HSD11B1L: variants seen among roughly 807,000 people sequenced by gnomAD.
HSD11B1L encodes hydroxysteroid 11-beta dehydrogenase 1 like.
Under a neutral mutation model 27.0 loss-of-function variants are expected in HSD11B1L, and 22 were observed. That is an observed-to-expected ratio of 0.81 (90% CI 0.58 to 1.16). The LOEUF (loss-of-function observed/expected upper bound fraction) is 1.16. Ranked by LOEUF, HSD11B1L falls within the 50% of genes most tolerant of loss-of-function variation. The probability of loss-of-function intolerance (pLI) is 0.00; values close to 1 mark genes in which losing one functional copy is unlikely to be tolerated. For missense variants in HSD11B1L, 372 were observed against 401.8 expected, an observed-to-expected ratio of 0.93 and a Z score of 0.63; for synonymous variants, 187 against 189.2, an observed-to-expected ratio of 0.99 and a Z score of 0.09.
intron 1 of HSD11B1L, chr19:5,683,924 A>T (rs893499842): frequency 1.5e-5 from 5 of 338,630 alleles, no homozygotes; most frequent in African/African-American, 2.1e-5. Flanking sequence ...ATAAAAAAAT[A>T]AATAATAAAA....
Position 5,685,207 on chromosome 19 carries a change from C to T in HSD11B1L, c.204+88C>T. On this transcript the variant is annotated intron_variant, in intron 3 of 7. Coordinates refer to ENST00000339423, the MANE Select transcript of HSD11B1L (RefSeq NM_198706.3). This position sits in a 1 kb window ranked among gnomAD's most constrained non-coding sequence, Gnocchi z 4.3. ...GGTTTAATCCCTGCAATGATCCAGG[C>T]TTCCCGTGTGACCTTGGGCAAGTCG... 1 of 1,488,996 alleles carries T rather than the reference C, an allele frequency of 6.7e-7. No homozygotes were observed. Among genetic ancestry groups the T allele is most frequent in the Non-Finnish European group, 9.1e-7 (1 of 1,104,126 alleles). The allele number at this position is 1,488,996 out of a possible 1,614,324, so 92.2% of individuals were successfully genotyped here. A position where few individuals can be genotyped will look rare whatever the true frequency, so the allele number is the denominator to read the frequency against.
In HSD11B1L at chr19:5,683,425, G is replaced by A. The variant is rs144587486; in HGVS notation, c.-14-1394G>A. Among the ~76,000 whole-genome samples, 97 of 152,096 alleles carry A rather than the reference G, an allele frequency of 6.4e-4. 1 individual carries two copies. The highest frequency in any genetic ancestry group is 1.7e-3 in the African/African-American group (72 of 41,470). On this transcript the variant is annotated intron_variant, in intron 1 of 7. Transcript: ENST00000339423. Reference sequence around the variant, plus strand: ...GGCTTCCTCACCTCTCGCCTCCCACGTGCCTCATATCACTCCATGATCAAT... The same window carrying A: ...GGCTTCCTCACCTCTCGCCTCCCACATGCCTCATATCACTCCATGATCAAT...
rs1043172981 is a variant in HSD11B1L at position 5,686,925 on chromosome 19, C to T, written c.342C>T (p.Asn114=). 1 of 1,553,518 alleles carries T rather than the reference C, an allele frequency of 6.4e-7. No homozygotes were observed. Among genetic ancestry groups the T allele is most frequent in the African/African-American group, 1.4e-5 (1 of 73,266 alleles). Reference sequence around the variant, plus strand: ...GCGGGCTGGACTACCTCGTGCTGAACCACATCGGCGGCGCCCCGGCCGGCA... The same window carrying T: ...GCGGGCTGGACTACCTCGTGCTGAATCACATCGGCGGCGCCCCGGCCGGCA... ...KLGGLDYLVL[N]HIGGAPAGTR... Residue 114 remains asparagine (N), a synonymous_variant, in exon 5 of 8, where the codon AAC becomes AAT. Coordinates refer to ENST00000339423, the MANE Select transcript of HSD11B1L (RefSeq NM_198706.3).
rs557722808 is a variant in HSD11B1L, at chr19:5,683,387, C to T, written c.-14-1432C>T. ...ATGCCTTCTGGGTGTCTCCAGAGAG[C>T]GAGCTGTCTCTTGGCTTCCTCACCT... On this transcript the variant is annotated intron_variant, in intron 1 of 7. Coordinates refer to ENST00000339423, the MANE Select transcript of HSD11B1L (RefSeq NM_198706.3). 1.1e-4 allele frequency among the ~76,000 whole-genome samples: 16 copies of T among 152,226 alleles called. No homozygotes were observed. In the South Asian group the frequency reaches 2.3e-3, roughly 22 times the overall value.
rs1306712897 is a variant in HSD11B1L at position 5,687,445 on chromosome 19, C to A, written c.503-58C>A. ...CTCGATGCGGGTGAGCCTGGAGGGT[C>A]TGGGCAGGCTTCCCGGACGAGGGGG... On this transcript the variant is annotated intron_variant, in intron 6 of 7. Coordinates refer to ENST00000339423, the MANE Select transcript of HSD11B1L (RefSeq NM_198706.3). The surrounding 1 kb of genome is among the most constrained non-coding windows in gnomAD (Gnocchi z 6.6). 2.5e-6 allele frequency: 4 copies of A among 1,592,862 alleles called. No homozygotes were observed.
rs2054720399 is a variant in HSD11B1L at position 5,687,190 on chromosome 19, C to G, written c.409-92C>G. Reference sequence around the variant, plus strand: ...GCCTTCCGGGTTTCTGGCCCCGTCTCTGACCCGGCCCTGGCCCCGCCCTCT... The same window carrying G: ...GCCTTCCGGGTTTCTGGCCCCGTCTGTGACCCGGCCCTGGCCCCGCCCTCT... On this transcript the variant is annotated intron_variant, in intron 5 of 7. Coordinates refer to ENST00000339423, the MANE Select transcript of HSD11B1L (RefSeq NM_198706.3). The surrounding 1 kb of genome is among the most constrained non-coding windows in gnomAD (Gnocchi z 6.6). 30 of 1,415,024 alleles carry G rather than the reference C, an allele frequency of 2.1e-5. No individual in the cohort carries two copies. The South Asian group carries it at 3.2e-4, about 15-fold the overall frequency. The allele number at this position is 1,415,024 out of a possible 1,614,324, so 87.7% of individuals were successfully genotyped here.
Position 5,687,341 on chromosome 19 carries a change from C to G in HSD11B1L, c.468C>G (p.Ser156Arg), listed in dbSNP as rs2054725940. The G allele has an allele frequency of 2.5e-6, 4 of 1,612,734 alleles. No individual in the cohort carries two copies. Among genetic ancestry groups the G allele is most frequent in the South Asian group, 1.1e-5 (1 of 91,072 alleles). The part of the protein sequence containing the change: ...TSRALPSLTD[S>R]KGSLVVVSSL... Reference sequence around the variant, plus strand: ...GGGCGCTGCCCAGCCTGACGGACAGCAAGGGCTCCCTGGTGGTGGTGTCCT... The same window carrying G: ...GGGCGCTGCCCAGCCTGACGGACAGGAAGGGCTCCCTGGTGGTGGTGTCCT... Residue 156 changes from serine to arginine, a missense_variant, in exon 6 of 8, where the codon AGC (serine) becomes AGG (arginine). Coordinates refer to ENST00000339423, the MANE Select transcript of HSD11B1L (RefSeq NM_198706.3). The surrounding 1 kb of genome is among the most constrained non-coding windows in gnomAD (Gnocchi z 6.6).
In HSD11B1L at chr19:5,685,097, A is replaced by T; in HGVS notation, c.182A>T (p.His61Leu). Residue 61 changes from histidine to leucine, a missense_variant, in exon 3 of 8, where the codon CAC becomes CTC. Transcript: ENST00000339423. The surrounding 1 kb of genome is among the most constrained non-coding windows in gnomAD (Gnocchi z 4.3). ...GGCTCCCACCTGGTGCTCACTGCCC[A>T]CACTGAGGCTCTCCTGCAGAAGGTG... is the stretch of plus-strand genomic sequence containing the variant. ...RLGSHLVLTAHTEALLQKVVG... is the reference protein window; with the variant it reads ...RLGSHLVLTALTEALLQKVVG... 1.9e-6 allele frequency: 3 copies of T among 1,549,748 alleles called. No individual in the cohort carries two copies. The highest frequency in any genetic ancestry group is 2.6e-6 in the Non-Finnish European group (3 of 1,147,252).
chr19:5,684,493 AAGG>A (rs1259221054), intron 1 of HSD11B1L: 18 of 492,156 alleles, frequency 3.7e-5, no homozygotes, highest in East Asian at 6.7e-5. Flanking sequence ...CGGAGTGAGC[AAGG>A]AGGACAGGTC....
intron 1 of HSD11B1L, chr19:5,683,996 T>TA (rs765240096): frequency 2.9e-4 from 131 of 446,884 alleles, no homozygotes; most frequent in Non-Finnish European, 5.6e-5. Context: ...TTGTTTTTGA[T>TA]ACGGAGTTTC....
intron 1 of HSD11B1L, 123 bp from the exon 2 acceptor site, chr19:5,684,696 G>A (rs1404967843): frequency 6.7e-7 from 1 of 1,502,588 alleles, no homozygotes; most frequent in African/African-American, 1.4e-5. Flanking sequence ...TGGACAGGTG[G>A]TGGCTGTGGA....
intron 1 of HSD11B1L, chr19:5,684,398 A>C (rs1239411321): frequency 5.7e-6 from 2 of 348,490 alleles, no homozygotes; most frequent in Non-Finnish European, 5.2e-6. Flanking sequence ...CATTCTAGGC[A>C]GTAGGAACAG....
At position 5,687,123 on chromosome 19, in the gene HSD11B1L, A is replaced by G; in HGVS notation, c.408+132A>G. On this transcript the variant is annotated intron_variant, in intron 5 of 7. Coordinates refer to ENST00000339423, the MANE Select transcript of HSD11B1L (RefSeq NM_198706.3). The surrounding 1 kb of genome is among the most constrained non-coding windows in gnomAD (Gnocchi z 6.6). Reference sequence around the variant, plus strand: ...GTCCCGCCCCAGCCACGCCCCTCCTAGCCCAAGCCCCTGCTCCGGCCTTGA... The same window carrying G: ...GTCCCGCCCCAGCCACGCCCCTCCTGGCCCAAGCCCCTGCTCCGGCCTTGA... The G allele has an allele frequency of 1.8e-6, 2 of 1,119,966 alleles. No individual in the cohort carries two copies. Among genetic ancestry groups the G allele is most frequent in the Non-Finnish European group, 2.5e-6 (2 of 786,466 alleles). The allele number at this position is 1,119,966 out of a possible 1,614,324, so 69.4% of individuals were successfully genotyped here.
In HSD11B1L at chr19:5,688,406, G is replaced by GCAGA; in HGVS notation, c.*462_*463insAGAC. The GCAGA allele has an allele frequency of 1.7e-6, 1 of 586,418 alleles. No homozygotes were observed. Among genetic ancestry groups the GCAGA allele is most frequent in the East Asian group, 2.8e-5 (1 of 35,240 alleles). The allele number at this position is 586,418 out of a possible 1,614,324, so 36.3% of individuals were successfully genotyped here. On this transcript the variant is annotated 3_prime_UTR_variant, in exon 8 of 8. Transcript: ENST00000339423. ...TCTGGTACTCTTCACACCTGCAGGG[G>GCAGA]CGTCTACACTGTTCGTCTACCTGGT...
In HSD11B1L at chr19:5,688,262, C is replaced by G. The variant is rs2145564509; in HGVS notation, c.*317C>G. The G allele has an allele frequency of 7.5e-7, 1 of 1,328,172 alleles. No homozygotes were observed. The highest frequency in any genetic ancestry group is 2.5e-5 in the East Asian group (1 of 39,884). 82.3% of individuals were successfully genotyped at this position (1,328,172 alleles called of 1,614,324 possible). On this transcript the variant is annotated 3_prime_UTR_variant, in exon 8 of 8. Coordinates refer to ENST00000339423, the MANE Select transcript of HSD11B1L (RefSeq NM_198706.3). The stretch of plus-strand genomic sequence containing the variant: ...TCAGAGAGGCCACGCCACCCTTGAG[C>G]CACCCATGGACCCCTCTCCATCTCC...
chr19:5,686,305 C>G (rs1006462695), intron 3 of HSD11B1L, 111 bp from the exon 4 acceptor site: 2 of 727,084 alleles, frequency 2.8e-6, no homozygotes, highest in Non-Finnish European at 2.2e-6. Context: ...TCCCGAGGCT[C>G]AGAGTAGGGG....
intron 1 of HSD11B1L, among the ~76,000 whole-genome samples, chr19:5,683,701 G>C (rs1032436688): frequency 6.6e-6 from 1 of 152,026 alleles, no homozygotes; most frequent in Admixed American, 6.6e-5. Flanking sequence ...AAATCAGCCT[G>C]GGCAGCATAG....
In HSD11B1L at chr19:5,683,208, C is replaced by CAAAA. The variant is rs1168433209; in HGVS notation, c.-14-1593_-14-1590dup. Among the ~76,000 whole-genome samples the CAAAA allele has an allele frequency of 7.4e-4, 38 of 51,058 alleles. No homozygotes were observed. The East Asian group carries it at 0.013, about 17-fold the overall frequency. 33.5% of individuals were successfully genotyped at this position (51,058 alleles called of 152,430 possible). A position where few individuals can be genotyped will look rare whatever the true frequency, so the allele number is the denominator to read the frequency against. ...GTGCAACAAGAGTGAAACTCAGTCTCAAAAAAAAAAAAAAAAAAAAAGAAC... is the reference window on the plus strand; with the variant it reads ...GTGCAACAAGAGTGAAACTCAGTCTCAAAAAAAAAAAAAAAAAAAAAAAAAGAAC... On this transcript the variant is annotated intron_variant, in intron 1 of 7. Coordinates refer to ENST00000339423, the MANE Select transcript of HSD11B1L (RefSeq NM_198706.3).
At chr19:5,684,262 C>T (rs759229572) in intron 1 of HSD11B1L, 11 of 333,722 alleles carry the variant, frequency 3.3e-5, no homozygotes, top group Middle Eastern at 7.0e-4. Context: ...GTGATTTGCC[C>T]GCCTCAGCCT....
Sources: gnomAD v4.1 joint callset for allele counts (sites outside exome capture counted in the v4.1 genomes callset) on GRCh38, gnomAD v4.1.1 for gene constraint, Gnocchi (gnomAD v3.1) non-coding constraint, MANE v1.5 for transcripts, NCBI Gene and HGNC (gene_info 2026-07-23, HGNC 2026-07-21) for gene names.